The following MOB3B variants were observed in gnomAD, a reference collection of about 807,000 sequenced individuals.
MOB3B encodes the protein MOB kinase activator-like 2B.
A neutral mutation model predicts 18.7 loss-of-function variants in MOB3B; 7 were observed. The observed-to-expected ratio is 0.37, with a 90% CI of 0.21 to 0.70. The LOEUF (loss-of-function observed/expected upper bound fraction) is 0.70, where lower values mean the gene tolerates loss of function less well. Among genes scored for constraint, MOB3B ranks in the 30% least tolerant of loss-of-function variants. MOB3B has a pLI of 0.52. For missense variants in MOB3B, 253 were observed against 281.3 expected (o/e 0.90, Z 0.72); for synonymous variants, 111 against 99.9 (o/e 1.11, Z -0.66).
chr9:27,363,564 G>C (rs1051817240), intron 2 of MOB3B, among the ~76,000 whole-genome samples: 1 of 150,652 alleles, frequency 6.6e-6, no homozygotes, highest in East Asian at 1.9e-4. Flanking sequence ...CACCACGCCC[G>C]GCTCAGTTTT....
chr9:27,462,954 C>T (rs1244327246), intron 1 of MOB3B, among the ~76,000 whole-genome samples: 2 of 152,152 alleles, frequency 1.3e-5, no homozygotes, highest in African/African-American at 2.4e-5. Flanking sequence ...GTAAAATTAA[C>T]ACCAAGAGCA....
intron 1 of MOB3B, chr9:27,524,583 A>G: frequency 6.2e-7 from 1 of 1,614,188 alleles, no homozygotes; most frequent in Non-Finnish European, 8.5e-7. Context: ...GAAGAGGGAC[A>G]TCAAGAAGGC....
chr9:27,393,156 C>A (rs2131384310), intron 2 of MOB3B, among the ~76,000 whole-genome samples: 1 of 152,280 alleles, frequency 6.6e-6, no homozygotes, highest in East Asian at 1.9e-4. Flanking sequence ...TTGTTTGTCA[C>A]AAAATGCACA....
At chr9:27,454,994 C>T in intron 2 of MOB3B, 139 bp downstream of exon 2, 2 of 898,662 alleles carry the variant, frequency 2.2e-6, no homozygotes, top group Non-Finnish European at 3.5e-6. Context: ...CAATGAGGCT[C>T]TTATATATCA....
intron 1 of MOB3B, among the ~76,000 whole-genome samples, chr9:27,475,851 C>T: frequency 6.6e-6 from 1 of 152,200 alleles, no homozygotes; most frequent in East Asian, 1.9e-4. Flanking sequence ...CCACCAGATT[C>T]TCTCTCTTTA....
chr9:27,385,951 C>T (rs768691546), intron 2 of MOB3B, among the ~76,000 whole-genome samples: 12 of 152,206 alleles, frequency 7.9e-5, no homozygotes, highest in East Asian at 1.9e-4. Flanking sequence ...GAAGAAGATT[C>T]GCTGACACTT....
At chr9:27,521,870 T>C (rs1173498749) in intron 1 of MOB3B, among the ~76,000 whole-genome samples, 1 of 152,222 alleles carries the variant, frequency 6.6e-6, no homozygotes, top group Non-Finnish European at 1.5e-5. Flanking sequence ...AATAAAATAG[T>C]ATTGATCCCA....
chr9:27,359,999 C>T (rs2131357210), intron 2 of MOB3B, among the ~76,000 whole-genome samples: 1 of 152,324 alleles, frequency 6.6e-6, no homozygotes, highest in East Asian at 1.9e-4. Context: ...TGAATTCTTA[C>T]TCTGCTCCCC....
At chr9:27,363,227 AC>A (rs1312244270) in intron 2 of MOB3B, among the ~76,000 whole-genome samples, 3 of 152,072 alleles carry the variant, frequency 2.0e-5, no homozygotes, top group African/African-American at 7.2e-5. Flanking sequence ...TTCCAGTGAC[AC>A]CCTGAGTAGT....
chr9:27,407,335 T>C (rs1821997272), intron 2 of MOB3B, among the ~76,000 whole-genome samples: 1 of 152,204 alleles, frequency 6.6e-6, no homozygotes, highest in Non-Finnish European at 1.5e-5. Flanking sequence ...CAAGCTACTG[T>C]TTACAGAAGT....
At position 27,448,259 on chromosome 9, in the gene MOB3B, T is replaced by C. The variant is rs78077435; in HGVS notation, c.418+6874A>G. Reference sequence around the variant, plus strand: ...AGTCTTAGTTTTCTCATCTGTGAAATGGAAATTATACTACCTGCCTTACAG... The same window carrying C: ...AGTCTTAGTTTTCTCATCTGTGAAACGGAAATTATACTACCTGCCTTACAG... On this transcript the variant is annotated intron_variant, in intron 2 of 3. Transcript: ENST00000262244. Among the ~76,000 whole-genome samples, 1,435 of 152,292 alleles carry C rather than the reference T, an allele frequency of 9.4e-3. 22 individuals are homozygous for C. Among genetic ancestry groups the C allele is most frequent in the African/African-American group, 0.032 (1,325 of 41,546 alleles).
At position 27,454,071 on chromosome 9, in the gene MOB3B, G is replaced by A. The variant is rs537859732; in HGVS notation, c.418+1062C>T. ...CACCAAGATCCTGACAAACTGGTTT[G>A]TGTGCCGAATATTTCAAGATGTACA... On this transcript the variant is annotated intron_variant, in intron 2 of 3. Coordinates refer to ENST00000262244, the MANE Select transcript of MOB3B (RefSeq NM_024761.5). Among the ~76,000 whole-genome samples, 3 of 152,284 alleles carry A rather than the reference G, an allele frequency of 2.0e-5. No homozygotes were observed. In the South Asian group the frequency reaches 6.2e-4, roughly 32 times the overall value.
At chr9:27,466,326 T>C (rs140721513) in intron 1 of MOB3B, among the ~76,000 whole-genome samples, 7 of 152,322 alleles carry the variant, frequency 4.6e-5, no homozygotes, top group African/African-American at 1.7e-4. Flanking sequence ...CATCTCCATC[T>C]GAGACCACTT....
At chr9:27,506,053 G>A (rs10738774) in intron 1 of MOB3B, among the ~76,000 whole-genome samples, 97,621 of 152,098 alleles carry the variant, frequency 0.64, 32,337 homozygotes, top group Non-Finnish European at 0.71. Context: ...CAAATGAGGT[G>A]CTGTTATCAA....
At chr9:27,484,122 A>G (rs1027092528) in intron 1 of MOB3B, among the ~76,000 whole-genome samples, 3 of 152,220 alleles carry the variant, frequency 2.0e-5, no homozygotes, top group African/African-American at 7.2e-5. Context: ...CCTGCATTTC[A>G]TAATATATGC....
At chr9:27,464,418 G>A (rs941578275) in intron 1 of MOB3B, among the ~76,000 whole-genome samples, 14 of 152,136 alleles carry the variant, frequency 9.2e-5, no homozygotes, top group Non-Finnish European at 1.9e-4. Context: ...GGGAGTTCCA[G>A]TATTTTTTTG....
intron 1 of MOB3B, among the ~76,000 whole-genome samples, chr9:27,458,802 C>T (rs539332462): frequency 7.1e-4 from 108 of 152,030 alleles, no homozygotes; most frequent in Non-Finnish European, 8.5e-4. Flanking sequence ...GCAATCCTCC[C>T]GCTCTGGCCT....
At chr9:27,496,925 T>C (rs1360470215) in intron 1 of MOB3B, among the ~76,000 whole-genome samples, 1 of 152,242 alleles carries the variant, frequency 6.6e-6, no homozygotes, top group Non-Finnish European at 1.5e-5. Context: ...TTTTCCATTC[T>C]TGATCTAAAA....
At chr9:27,362,238 AC>A (rs1369062688) in intron 2 of MOB3B, among the ~76,000 whole-genome samples, 1 of 152,004 alleles carries the variant, frequency 6.6e-6, no homozygotes, top group Non-Finnish European at 1.5e-5. Flanking sequence ...AATCTGGAAG[AC>A]CTAGTTTAAA....
Sources: gnomAD v4.1 joint callset for allele counts (sites outside exome capture counted in the v4.1 genomes callset) on GRCh38, gnomAD v4.1.1 for gene constraint, MANE v1.5 for transcripts, NCBI Gene and HGNC (gene_info 2026-07-23, HGNC 2026-07-21) for gene names.